RALGAPB: variants seen among roughly 807,000 people sequenced by gnomAD.
RALGAPB encodes ral GTPase-activating protein subunit beta.
A neutral mutation model predicts 161.1 loss-of-function variants in RALGAPB; 25 were observed. The ratio of observed to expected loss-of-function variants is 0.16; its 90% CI spans 0.11 to 0.22. The LOEUF (loss-of-function observed/expected upper bound fraction) is 0.22. RALGAPB is among the 10% of genes least tolerant of loss of function. The pLI is 1.00. For synonymous variants in RALGAPB, 629 were observed against 626.1 expected (o/e 1.00, Z -0.07); for missense variants, 1,391 against 1,815.2 (o/e 0.77, Z 4.25).
intron 4 of RALGAPB, among the ~76,000 whole-genome samples, chr20:38,499,212 C>T (rs1271379048): frequency 6.6e-6 from 1 of 152,124 alleles, no homozygotes; most frequent in African/African-American, 2.4e-5. Context: ...TCAATAAGAA[C>T]TGAACAGGGC....
At chr20:38,507,659 C>T (rs777194027) in intron 5 of RALGAPB, among the ~76,000 whole-genome samples, 6 of 151,964 alleles carry the variant, frequency 3.9e-5, no homozygotes, top group African/African-American at 1.4e-4. Flanking sequence ...GATTGGAGTG[C>T]AGGCGTGAGC....
intron 16 of RALGAPB, among the ~76,000 whole-genome samples, chr20:38,536,197 T>C (rs2086798879): frequency 6.6e-6 from 1 of 152,240 alleles, no homozygotes; most frequent in Non-Finnish European, 1.5e-5. Context: ...CTACCTATAC[T>C]GGACATTTCA....
chr20:38,501,638 A>G (rs554562415), intron 5 of RALGAPB, among the ~76,000 whole-genome samples: 1 of 152,234 alleles, frequency 6.6e-6, no homozygotes, highest in Non-Finnish European at 1.5e-5. Flanking sequence ...TCCTAGTCTC[A>G]AAACAATCCA....
intron 19 of RALGAPB, chr20:38,548,212 G>C (rs1447240024): frequency 6.6e-6 from 1 of 152,558 alleles, no homozygotes; most frequent in East Asian, 1.9e-4. Context: ...CCTGCCTGTG[G>C]TGGGCAGTGG....
chr20:38,556,944 A>G (rs1374163054), intron 22 of RALGAPB, among the ~76,000 whole-genome samples: 2 of 152,178 alleles, frequency 1.3e-5, no homozygotes, highest in Non-Finnish European at 2.9e-5. Flanking sequence ...GAATACACTT[A>G]TGTTTGACTG....
rs546059704 is a variant in RALGAPB, at chr20:38,489,047, A to G, written c.186+429A>G. Among the ~76,000 whole-genome samples the G allele has an allele frequency of 1.1e-4, 17 of 152,264 alleles. No homozygotes were observed. In the East Asian group the frequency reaches 1.2e-3, roughly 10 times the overall value. ...AAGACTCATGTCAAGTTTTCAGGCT[A>G]TGTGTATGCTGTGCTTAAGCTCTCC... On this transcript the variant is annotated intron_variant, in intron 2 of 29. Coordinates refer to ENST00000262879, the MANE Select transcript of RALGAPB (RefSeq NM_020336.4).
intron 1 of RALGAPB, among the ~76,000 whole-genome samples, chr20:38,473,932 T>A (rs1426480111): frequency 2.0e-5 from 3 of 152,192 alleles, no homozygotes; most frequent in Non-Finnish European, 4.4e-5. Context: ...AAAGCATCTC[T>A]CTTTCTCCAG....
intron 23 of RALGAPB, among the ~76,000 whole-genome samples, chr20:38,559,296 T>G (rs1568976230): frequency 6.6e-6 from 1 of 152,242 alleles, no homozygotes; most frequent in African/African-American, 2.4e-5. Context: ...ACAGTTTCCT[T>G]TTTGAGAAGC....
rs561357323 is a variant in RALGAPB, at chr20:38,541,743, A to G, written c.2714+551A>G. Among the ~76,000 whole-genome samples, 6 of 152,300 alleles carry G rather than the reference A, an allele frequency of 3.9e-5. No individual in the cohort carries two copies. In the South Asian group the frequency reaches 1.2e-3, roughly 32 times the overall value. On this transcript the variant is annotated intron_variant, in intron 18 of 29. Coordinates refer to ENST00000262879, the MANE Select transcript of RALGAPB (RefSeq NM_020336.4). ...CAAATAGCTATAATATTAGGTGGAA[A>G]ATAAGTGCTGCAAAAGAGGTATAAA...
intron 14 of RALGAPB, among the ~76,000 whole-genome samples, chr20:38,532,368 T>G (rs2086681799): frequency 6.6e-6 from 1 of 152,118 alleles, no homozygotes; most frequent in Non-Finnish European, 1.5e-5. Flanking sequence ...TATTCATGCT[T>G]TTTAAGCTTA....
intron 2 of RALGAPB, among the ~76,000 whole-genome samples, 196 bp downstream of exon 2, chr20:38,488,814 G>A (rs116354632): frequency 7.4e-4 from 113 of 152,270 alleles, no homozygotes; most frequent in African/African-American, 1.6e-3. Context: ...GCTGGGACTC[G>A]GAGTTTGTGG....
At position 38,509,016 on chromosome 20, in the gene RALGAPB, G is replaced by A. The variant is rs930033272; in HGVS notation, c.741-61G>A. 3.9e-6 allele frequency: 6 copies of A among 1,552,224 alleles called. No individual in the cohort carries two copies. The African/African-American group carries it at 8.2e-5, about 21-fold the overall frequency. Reference sequence around the variant, plus strand: ...TCCATTTTCTCTGTCTTCTTTCTATGCTTGAGTGTATTTTTCAATCTGTTA... The same window carrying A: ...TCCATTTTCTCTGTCTTCTTTCTATACTTGAGTGTATTTTTCAATCTGTTA... On this transcript the variant is annotated intron_variant, in intron 5 of 29. Coordinates refer to ENST00000262879, the MANE Select transcript of RALGAPB (RefSeq NM_020336.4).
intron 1 of RALGAPB, among the ~76,000 whole-genome samples, chr20:38,486,988 G>A (rs1006180500): frequency 3.9e-5 from 6 of 152,284 alleles, no homozygotes; most frequent in Non-Finnish European, 8.8e-5. Flanking sequence ...CACCACTAAT[G>A]AATGAGCTAA....
intron 9 of RALGAPB, among the ~76,000 whole-genome samples, chr20:38,520,432 G>A (rs2086252751): frequency 6.6e-6 from 1 of 150,904 alleles, no homozygotes; most frequent in African/African-American, 2.4e-5. Context: ...GTTGGCAAGA[G>A]CAAATTAATC....
chr20:38,558,683 C>T (rs1208388698), intron 23 of RALGAPB, among the ~76,000 whole-genome samples: 2 of 152,152 alleles, frequency 1.3e-5, no homozygotes, highest in Admixed American at 1.3e-4. Context: ...TTTTTCAGGA[C>T]TTCTCATTGG....
intron 22 of RALGAPB, among the ~76,000 whole-genome samples, chr20:38,557,655 T>C (rs1409067088): frequency 6.6e-6 from 1 of 152,234 alleles, no homozygotes; most frequent in Non-Finnish European, 1.5e-5. Context: ...CTTTTATCAG[T>C]ATGCATTTAA....
intron 13 of RALGAPB, among the ~76,000 whole-genome samples, 153 bp downstream of exon 13, chr20:38,526,195 A>G (rs1161323078): frequency 1.3e-5 from 2 of 152,182 alleles, no homozygotes; most frequent in Non-Finnish European, 2.9e-5. Context: ...ATGTAAAAAA[A>G]TTTAAAGCAG....
chr20:38,557,810 G>A (rs112567044), intron 22 of RALGAPB, among the ~76,000 whole-genome samples: 7 of 152,242 alleles, frequency 4.6e-5, no homozygotes, highest in South Asian at 4.1e-4. Context: ...TTGCTTCCAC[G>A]TTTTGGTTAT....
At chr20:38,497,211 A>G in intron 3 of RALGAPB, 142 bp from the exon 4 acceptor site, 1 of 689,718 alleles carries the variant, frequency 1.4e-6, no homozygotes, top group Non-Finnish European at 2.3e-6. Context: ...TTTAAACTGA[A>G]GACGGTATGC....
Sources: allele counts gnomAD v4.1 joint callset (sites outside exome capture counted in the v4.1 genomes callset), GRCh38; gene constraint gnomAD v4.1.1; transcripts MANE v1.5; gene names NCBI Gene and HGNC (gene_info 2026-07-23, HGNC 2026-07-21).